RAE1: variants seen among roughly 807,000 people sequenced by gnomAD.
The protein encoded by RAE1 is mRNA export factor RAE1.
RAE1 carries 13 observed loss-of-function variants against 52.7 expected under a neutral mutation model. The observed-to-expected ratio is 0.25, with a 90% CI of 0.16 to 0.39. RAE1 has a LOEUF of 0.39. RAE1 is among the 10% of genes least tolerant of loss of function. The pLI is 1.00. For missense variants in RAE1, 262 were observed against 459.8 expected (o/e 0.57, Z 3.93); for synonymous variants, 164 against 153.1 (o/e 1.07, Z -0.52).
In RAE1 at chr20:57,373,593, T is replaced by A; in HGVS notation, c.749+12T>A. 6.2e-7 allele frequency: 1 copy of A among 1,613,400 alleles called. No homozygotes were observed. Among genetic ancestry groups the A allele is most frequent in the Non-Finnish European group, 8.5e-7 (1 of 1,179,312 alleles). On this transcript the variant is annotated intron_variant, in intron 9 of 11. Transcript: ENST00000395841. ...AACCCCCCGAACCCGTAAGTGTGACTCTGTCAGCTTGCAGATTTCACTGGA... is the reference window on the plus strand; with the variant it reads ...AACCCCCCGAACCCGTAAGTGTGACACTGTCAGCTTGCAGATTTCACTGGA...
chr20:57,355,426 A>G (rs1308705478), intron 3 of RAE1, among the ~76,000 whole-genome samples: 1 of 152,230 alleles, frequency 6.6e-6, no homozygotes, highest in Non-Finnish European at 1.5e-5. Context: ...AAAGAATAAT[A>G]GTGCCAGCAA....
chr20:57,366,730 T>G (rs2066959807), intron 5 of RAE1, 77 bp from the exon 6 acceptor site: 2 of 1,376,484 alleles, frequency 1.5e-6, no homozygotes, highest in Admixed American at 3.6e-5. Flanking sequence ...TTTCTTCCCT[T>G]TGAATTGCCA....
At chr20:57,355,402 A>C (rs999379791) in intron 3 of RAE1, among the ~76,000 whole-genome samples, 1 of 152,200 alleles carries the variant, frequency 6.6e-6, no homozygotes, top group Non-Finnish European at 1.5e-5. Flanking sequence ...TAAATTAACA[A>C]AATTAAAAGT....
rs1449256734 is a variant in RAE1, at chr20:57,378,138, C to T, written c.*39C>T. 6 of 1,495,994 alleles carry T rather than the reference C, an allele frequency of 4.0e-6. No individual in the cohort carries two copies. The highest frequency in any genetic ancestry group is 1.2e-5 in the South Asian group (1 of 84,962). 92.7% of individuals were successfully genotyped at this position (1,495,994 alleles called of 1,614,324 possible). ...TGGCTCAGCCAGAGTTGTTTCTCTC[C>T]ACTCTGCCTCATCTCTGTACGAATT... is the stretch of plus-strand genomic sequence containing the variant. On this transcript the variant is annotated 3_prime_UTR_variant, in exon 12 of 12. Coordinates refer to ENST00000395841, the MANE Select transcript of RAE1 (RefSeq NM_003610.4).
intron 8 of RAE1, among the ~76,000 whole-genome samples, chr20:57,369,406 C>T (rs1053730973): frequency 6.6e-6 from 1 of 152,204 alleles, no homozygotes; most frequent in African/African-American, 2.4e-5. Context: ...TTAACGGCAT[C>T]AGACTGCAGT....
intron 4 of RAE1, 66 bp downstream of exon 4, chr20:57,356,604 TA>T: frequency 7.2e-6 from 10 of 1,383,374 alleles, no homozygotes; most frequent in Non-Finnish European, 1.0e-5. Context: ...GAATATTTAA[TA>T]ATCCAAACAC....
intron 7 of RAE1, 73 bp from the exon 8 acceptor site, chr20:57,368,632 G>T: frequency 2.0e-6 from 2 of 1,014,914 alleles, no homozygotes; most frequent in South Asian, 1.5e-5. Context: ...ACCAAAAATT[G>T]ATCAAATACA....
chr20:57,367,612 C>T (rs1410621965), intron 7 of RAE1, among the ~76,000 whole-genome samples: 3 of 151,756 alleles, frequency 2.0e-5, no homozygotes, highest in Non-Finnish European at 4.4e-5. Flanking sequence ...TGGTGGCGCA[C>T]GTCTGTAATC....
chr20:57,356,529 C>T lies in RAE1; in HGVS notation c.279C>T (p.Cys93=), dbSNP rs770363456. 3 of 1,611,516 alleles carry T rather than the reference C, an allele frequency of 1.9e-6. No individual in the cohort carries two copies. The highest frequency in any genetic ancestry group is 2.5e-6 in the Non-Finnish European group (3 of 1,177,976). Residue 93 remains cysteine (C), a synonymous_variant, in exon 4 of 12, where the codon TGC becomes TGT. Transcript: ENST00000395841. The stretch of plus-strand genomic sequence containing the variant: ...ACACTGGGCCTGTGCTTGATGTCTG[C>T]TGGAGTGACGTACGTTCCCTTCCAT... ...QMHTGPVLDV[C]WSDDGSKVFT... is the part of the protein sequence containing the mutation.
At chr20:57,352,122 A>G (rs999468316) in intron 1 of RAE1, 1 of 336,396 alleles carries the variant, frequency 3.0e-6, no homozygotes, top group African/African-American at 2.2e-5. Context: ...GCGTCTGAGG[A>G]GGTGACTTTA....
chr20:57,358,993 A>C (rs778113698), intron 4 of RAE1: 6 of 1,510,158 alleles, frequency 4.0e-6, no homozygotes, highest in Non-Finnish European at 4.4e-6. Flanking sequence ...GGATAGATCA[A>C]TTTCACTGGT....
chr20:57,360,833 G>C (rs185884633), intron 4 of RAE1, among the ~76,000 whole-genome samples: 2 of 152,170 alleles, frequency 1.3e-5, no homozygotes, highest in Non-Finnish European at 2.9e-5. Context: ...TCCTGTGGGG[G>C]TGTGGTTGAG....
chr20:57,365,891 C>T (rs555162886), intron 5 of RAE1, among the ~76,000 whole-genome samples: 16 of 152,296 alleles, frequency 1.1e-4, no homozygotes, highest in African/African-American at 2.4e-4. Flanking sequence ...GAACTTTTAC[C>T]GTTACTCAGG....
intron 4 of RAE1, among the ~76,000 whole-genome samples, chr20:57,361,465 T>A (rs1430573170): frequency 6.6e-6 from 1 of 152,204 alleles, no homozygotes; most frequent in Non-Finnish European, 1.5e-5. Context: ...GGCAAAGGTA[T>A]GTTTACCTAG....
intron 7 of RAE1, 113 bp from the exon 8 acceptor site, chr20:57,368,592 G>A (rs1466572505): frequency 1.6e-6 from 1 of 622,758 alleles, no homozygotes; most frequent in Non-Finnish European, 2.9e-6. Context: ...TATAATCCCA[G>A]GATTATTAAA....
intron 1 of RAE1, among the ~76,000 whole-genome samples, chr20:57,353,185 C>T (rs988644591): frequency 3.3e-5 from 5 of 152,142 alleles, no homozygotes; most frequent in Non-Finnish European, 5.9e-5. Flanking sequence ...TACGTAACTC[C>T]TCGGGGAGTT....
intron 11 of RAE1, among the ~76,000 whole-genome samples, chr20:57,376,823 A>AC (rs1365413087): frequency 6.6e-6 from 1 of 152,110 alleles, no homozygotes; most frequent in Non-Finnish European, 1.5e-5. Context: ...ATGACGCGGG[A>AC]CTCTATACGT....
At chr20:57,366,758 C>T (rs373872782) in intron 5 of RAE1, 49 bp from the exon 6 acceptor site, 159 of 1,509,418 alleles carry the variant, frequency 1.1e-4, no homozygotes, top group Non-Finnish European at 1.3e-4. Flanking sequence ...AGCTGTTCAG[C>T]ACATTCTTAC....
chr20:57,351,536 T>C, intron 1 of RAE1, 114 bp downstream of exon 1: 1 of 985,454 alleles, frequency 1.0e-6, no homozygotes. Context: ...AGCGGGACTG[T>C]TGACTAAGCT....
Sources: gnomAD v4.1 joint callset for allele counts (sites outside exome capture counted in the v4.1 genomes callset) on GRCh38, gnomAD v4.1.1 for gene constraint, MANE v1.5 for transcripts, NCBI Gene and HGNC (gene_info 2026-07-23, HGNC 2026-07-21) for gene names.